ASTN2: variants seen among roughly 807,000 people sequenced by gnomAD.
The protein encoded by ASTN2 is astrotactin 2.
ASTN2 carries 54 observed loss-of-function variants against 139.8 expected under a neutral mutation model. The observed-to-expected ratio is 0.39, with a 90% CI of 0.31 to 0.48. ASTN2 has a LOEUF of 0.48. Among genes scored for constraint, ASTN2 ranks in the 20% least tolerant of loss-of-function variants. The probability of loss-of-function intolerance (pLI) is 0.95; values close to 1 mark genes in which losing one functional copy is unlikely to be tolerated. For synonymous variants in ASTN2, 756 were observed against 719.5 expected, an observed-to-expected ratio of 1.05 and a Z score of -0.81; for missense variants, 1,565 against 1,725.1, an observed-to-expected ratio of 0.91 and a Z score of 1.64.
At chr9:117,004,859 A>T (rs1837309879) in intron 7 of ASTN2, among the ~76,000 whole-genome samples, 6 of 152,262 alleles carry the variant, frequency 3.9e-5, no homozygotes, top group Admixed American at 3.9e-4. Context: ...AAACCTTGGT[A>T]AGTTCCTTTT....
chr9:116,438,979 G>A (rs571853108), intron 22 of ASTN2, among the ~76,000 whole-genome samples: 2 of 152,128 alleles, frequency 1.3e-5, no homozygotes, highest in South Asian at 4.2e-4. Context: ...CTTGGTTTGG[G>A]GCTGTGTCTT....
intron 16 of ASTN2, among the ~76,000 whole-genome samples, chr9:116,686,501 T>G (rs1393238973): frequency 6.6e-6 from 1 of 152,204 alleles, no homozygotes; most frequent in African/African-American, 2.4e-5. Flanking sequence ...ATAGTCACCT[T>G]GGAGAGTAGG....
At chr9:117,120,357 C>G (rs1279989535) in intron 4 of ASTN2, among the ~76,000 whole-genome samples, 4 of 152,020 alleles carry the variant, frequency 2.6e-5, no homozygotes, top group African/African-American at 9.7e-5. Flanking sequence ...CAAAGGAGAG[C>G]CTGGGTGCCC....
At chr9:116,633,308 C>T (rs961024037) in intron 17 of ASTN2, among the ~76,000 whole-genome samples, 2 of 152,200 alleles carry the variant, frequency 1.3e-5, no homozygotes, top group Admixed American at 6.5e-5. Flanking sequence ...GTTAATCTTA[C>T]ACAAATTTAA....
chr9:116,703,607 G>A (rs941491982), intron 16 of ASTN2, among the ~76,000 whole-genome samples: 3 of 151,738 alleles, frequency 2.0e-5, no homozygotes, highest in African/African-American at 7.3e-5. Context: ...GGGTAGCATT[G>A]GGAGATATAC....
At chr9:117,291,877 G>T (rs142523400) in intron 1 of ASTN2, among the ~76,000 whole-genome samples, 18 of 152,318 alleles carry the variant, frequency 1.2e-4, no homozygotes, top group African/African-American at 4.3e-4. Context: ...ATGAAGGAAA[G>T]AAATCCATGA....
At chr9:116,519,464 T>C (rs560917794) in intron 19 of ASTN2, among the ~76,000 whole-genome samples, 9 of 151,976 alleles carry the variant, frequency 5.9e-5, no homozygotes, top group African/African-American at 2.2e-4. Flanking sequence ...AACTGAATGA[T>C]AATATTGACA....
chr9:116,836,124 A>T (rs1239752295), intron 11 of ASTN2, among the ~76,000 whole-genome samples: 1 of 152,056 alleles, frequency 6.6e-6, no homozygotes, highest in East Asian at 1.9e-4. Context: ...TCACCTCCCC[A>T]CTAGGACTTC....
intron 2 of ASTN2, among the ~76,000 whole-genome samples, chr9:117,232,662 G>A (rs1215305472): frequency 6.6e-6 from 1 of 152,172 alleles, no homozygotes; most frequent in Non-Finnish European, 1.5e-5. Context: ...TTCAAGTGGA[G>A]AAAATATGGG....
intron 1 of ASTN2, among the ~76,000 whole-genome samples, chr9:117,370,944 G>T (rs187714003): frequency 2.4e-4 from 36 of 152,266 alleles, no homozygotes; most frequent in Non-Finnish European, 3.5e-4. Context: ...AACCCAGTTG[G>T]ATGTCCCTAC....
chr9:116,554,770 G>C (rs1852523020), intron 19 of ASTN2, among the ~76,000 whole-genome samples: 1 of 152,020 alleles, frequency 6.6e-6, no homozygotes, highest in Non-Finnish European at 1.5e-5. Flanking sequence ...TTTACCAGTA[G>C]TGTTACATAT....
At chr9:116,748,270 C>T (rs1829301868) in intron 13 of ASTN2, among the ~76,000 whole-genome samples, 1 of 152,190 alleles carries the variant, frequency 6.6e-6, no homozygotes, top group Non-Finnish European at 1.5e-5. Flanking sequence ...GCCTCCTTAA[C>T]AGATCTGCAG....
chr9:117,079,200 T>C (rs1196581709), intron 5 of ASTN2, among the ~76,000 whole-genome samples: 1 of 151,984 alleles, frequency 6.6e-6, no homozygotes, highest in Non-Finnish European at 1.5e-5. Context: ...TACAAATAAT[T>C]AAAAAATTAG....
At chr9:116,540,607 C>T (rs923901273) in intron 19 of ASTN2, 14 of 152,182 alleles carry the variant, frequency 9.2e-5, no homozygotes, top group African/African-American at 1.2e-4. Flanking sequence ...CCTTCATGAT[C>T]GTCTGTGTGC....
intron 2 of ASTN2, among the ~76,000 whole-genome samples, chr9:117,250,032 T>A (rs1833493876): frequency 6.6e-6 from 1 of 152,210 alleles, no homozygotes; most frequent in Non-Finnish European, 1.5e-5. Context: ...GCAGACATAT[T>A]CTCTAAGCCT....
rs769445297 is a variant in ASTN2, at chr9:116,425,964, C to T, written c.3907G>A (p.Val1303Ile). 2.5e-6 allele frequency: 4 copies of T among 1,614,156 alleles called. No individual in the cohort carries two copies. The highest frequency in any genetic ancestry group is 3.4e-6 in the Non-Finnish European group (4 of 1,180,032). ...VPYLFCRSEE[V>I]RPAGMVWYSI... The stretch of plus-strand genomic sequence containing the variant: ...TACCACACCATGCCTGCAGGCCGGA[C>T]CTCCTCGCTGCGGCAGAAAAGATAG... Residue 1303 changes from valine (V) to isoleucine (I), a missense_variant, in exon 23 of 23, where the codon GTC becomes ATC. Coordinates refer to ENST00000313400, the MANE Select transcript of ASTN2 (RefSeq NM_001365068.1).
At chr9:116,646,365 T>C (rs968549218) in intron 17 of ASTN2, among the ~76,000 whole-genome samples, 3 of 152,184 alleles carry the variant, frequency 2.0e-5, no homozygotes, top group African/African-American at 2.4e-5. Context: ...CCCTCAACTA[T>C]AGGTCAGGGC....
intron 3 of ASTN2, among the ~76,000 whole-genome samples, chr9:117,152,028 C>G (rs2132881722): frequency 6.6e-6 from 1 of 152,186 alleles, no homozygotes; most frequent in African/African-American, 2.4e-5. Flanking sequence ...CATTATGTGA[C>G]TTTGGGTAAG....
intron 1 of ASTN2, among the ~76,000 whole-genome samples, chr9:117,294,915 G>A (rs1419139858): frequency 1.3e-5 from 2 of 152,198 alleles, no homozygotes; most frequent in African/African-American, 4.8e-5. Flanking sequence ...CAGTCCAAAT[G>A]ATACCTGCTT....
Sources: gnomAD v4.1 joint callset for allele counts (sites outside exome capture counted in the v4.1 genomes callset) on GRCh38, gnomAD v4.1.1 for gene constraint, MANE v1.5 for transcripts, NCBI Gene and HGNC (gene_info 2026-07-23, HGNC 2026-07-21) for gene names.